Variants in CUX1 observed in about 807,000 individuals in gnomAD.
The protein encoded by CUX1 is protein CASP.
In CUX1, 31 loss-of-function variants were observed where a neutral mutation model predicts 158.8. The ratio of observed to expected loss-of-function variants is 0.20; its 90% confidence interval spans 0.15 to 0.26. CUX1 has a LOEUF of 0.26. CUX1 is among the 10% of genes least tolerant of loss of function. CUX1 has a pLI of 1.00. For missense variants in CUX1, 1,589 were observed against 2,014.6 expected, an observed-to-expected ratio of 0.79 and a Z score of 4.04; for synonymous variants, 879 against 862.1, an observed-to-expected ratio of 1.02 and a Z score of -0.34.
At chr7:101,979,728 C>T (rs1813177451) in intron 2 of CUX1, among the ~76,000 whole-genome samples, 1 of 152,146 alleles carries the variant, frequency 6.6e-6, no homozygotes, top group Non-Finnish European at 1.5e-5. Context: ...CGGTTCACTG[C>T]AACCTCCACC....
rs928061303 is a variant in CUX1 at position 102,272,899 on chromosome 7, C to T, written c.1256-467C>T. 5.9e-5 allele frequency among the ~76,000 whole-genome samples: 9 copies of T among 152,144 alleles called. No individual in the cohort carries two copies. In the South Asian group the frequency reaches 6.2e-4, roughly 10 times the overall value. The stretch of plus-strand genomic sequence containing the variant: ...ACCCCTACGCGCCCCACTGCACCCC[C>T]GCGGCTTTCTCTGCCTCTCCTACCC... On this transcript the variant is annotated intron_variant, in intron 14 of 22. Transcript: ENST00000292538.
chr7:101,885,285 C>A (rs1336104315), intron 1 of CUX1, among the ~76,000 whole-genome samples: 7 of 152,154 alleles, frequency 4.6e-5, no homozygotes, highest in Non-Finnish European at 7.4e-5. Flanking sequence ...CAGATTCCCC[C>A]CTACAATGTT....
intron 14 of CUX1, among the ~76,000 whole-genome samples, chr7:102,265,531 G>A (rs572918848): frequency 6.6e-6 from 1 of 151,896 alleles, no homozygotes; most frequent in East Asian, 2.0e-4. Context: ...TTGACCTCCT[G>A]GGCTCAAGCA....
At chr7:102,027,106 C>G (rs566759307) in intron 2 of CUX1, among the ~76,000 whole-genome samples, 1 of 152,058 alleles carries the variant, frequency 6.6e-6, no homozygotes, top group Non-Finnish European at 1.5e-5. Flanking sequence ...CAGCTAGGGC[C>G]GGCCATGGTG....
chr7:102,227,637 G>A lies in CUX1; in HGVS notation c.3401G>A (p.Arg1134Gln), dbSNP rs782309779. 1.1e-5 allele frequency: 18 copies of A among 1,611,904 alleles called. No homozygotes were observed. The highest frequency in any genetic ancestry group is 1.3e-5 in the Non-Finnish European group (15 of 1,178,708). Residue 1134 changes from arginine (R) to glutamine (Q), a missense_variant, in exon 21 of 24, where the codon CGG becomes CAG. Transcript: ENST00000292535. Reference protein sequence around the residue: ...PELDTYGITKRVKEVLTDNNL... With the variant: ...PELDTYGITKQVKEVLTDNNL... Reference sequence around the variant, plus strand: ...CTGGACACCTACGGCATAACCAAGCGGGTGAAGGAGGTGCTGACGGACAAC... The same window carrying A: ...CTGGACACCTACGGCATAACCAAGCAGGTGAAGGAGGTGCTGACGGACAAC...
At position 102,239,498 on chromosome 7, in the gene CUX1, A is replaced by G. The variant is rs1799936064; in HGVS notation, c.3801A>G (p.Pro1267=). ...EALKRAYQQK[P]YPSPKTIEDL... is the part of the protein sequence containing the mutation. ...TGAAACGAGCGTATCAGCAAAAGCC[A>G]TACCCGTCACCAAAAACCATCGAAG... Residue 1267 remains proline, a synonymous_variant, in exon 23 of 24, where the codon CCA becomes CCG. Transcript: ENST00000292535. 2 of 1,614,174 alleles carry G rather than the reference A, an allele frequency of 1.2e-6. No individual in the cohort carries two copies. The highest frequency in any genetic ancestry group is 1.3e-5 in the African/African-American group (1 of 75,062).
intron 3 of CUX1, among the ~76,000 whole-genome samples, chr7:102,040,112 A>T (rs562138290): frequency 6.6e-6 from 1 of 152,294 alleles, no homozygotes; most frequent in African/African-American, 2.4e-5. Context: ...CATTGAATAC[A>T]GTCAACTAGG....
At chr7:101,828,120 C>T (rs1175775187) in intron 1 of CUX1, among the ~76,000 whole-genome samples, 2 of 151,846 alleles carry the variant, frequency 1.3e-5, no homozygotes, top group Admixed American at 6.6e-5. Flanking sequence ...GGACTACAGG[C>T]ACCCACTACT....
At chr7:102,087,689 C>T (rs1554481005) in intron 4 of CUX1, among the ~76,000 whole-genome samples, 1 of 152,138 alleles carries the variant, frequency 6.6e-6, no homozygotes, top group African/African-American at 2.4e-5. Context: ...CACTTTCTCA[C>T]TCTTGTTCTT....
chr7:102,172,767 T>C (rs1791873263), intron 10 of CUX1, among the ~76,000 whole-genome samples: 1 of 152,178 alleles, frequency 6.6e-6, no homozygotes, highest in Admixed American at 6.6e-5. Context: ...TTAACATTAA[T>C]TAAAACATTT....
chr7:102,196,525 CT>C lies in CUX1; in HGVS notation c.1223-101del, dbSNP rs539268272. 2.1e-4 allele frequency: 238 copies of C among 1,109,190 alleles called. No individual in the cohort carries two copies. In the South Asian group the frequency reaches 2.2e-3, roughly 10 times the overall value. 68.7% of individuals were successfully genotyped at this position (1,109,190 alleles called of 1,614,324 possible). A position where few individuals can be genotyped will look rare whatever the true frequency, so the allele number is the denominator to read the frequency against. ...TTGGCCCTTGTAAAAAAAACCTGCA[CT>C]TTTTTTTGTTTTCCCTTTTGCGGGG... On this transcript the variant is annotated intron_variant, in intron 14 of 23. Coordinates refer to ENST00000292535, the MANE Select transcript of CUX1 (RefSeq NM_181552.4).
intron 2 of CUX1, among the ~76,000 whole-genome samples, 156 bp from the exon 3 acceptor site, chr7:102,027,942 T>C (rs1376603249): frequency 2.6e-5 from 4 of 152,206 alleles, no homozygotes; most frequent in Non-Finnish European, 4.4e-5. Flanking sequence ...GCGTTATTGA[T>C]GTTTTAGGAG....
intron 9 of CUX1, among the ~76,000 whole-genome samples, chr7:102,158,992 C>A (rs1282299093): frequency 6.6e-6 from 1 of 151,068 alleles, no homozygotes; most frequent in African/African-American, 2.4e-5. Context: ...CATCTCACCA[C>A]GGTGTTATCC....
chr7:102,251,713 TCCA>T lies in CUX1; in HGVS notation c.*2673_*2675del, dbSNP rs1330593231. The T allele has an allele frequency of 2.0e-6, 2 of 985,254 alleles. No homozygotes were observed. The highest frequency in any genetic ancestry group is 3.5e-5 in the African/African-American group (2 of 57,200). 61.0% of individuals were successfully genotyped at this position (985,254 alleles called of 1,614,324 possible). A position where few individuals can be genotyped will look rare whatever the true frequency, so the allele number is the denominator to read the frequency against. ...GAGCCCTGACGACTGTGGTGTCCTC[TCCA>T]CAAAACCCTCAAGGGACTTTTGTCA... On this transcript the variant is annotated 3_prime_UTR_variant, in exon 24 of 24. Coordinates refer to ENST00000292535, the MANE Select transcript of CUX1 (RefSeq NM_181552.4).
chr7:102,161,466 G>A (rs923439522), intron 9 of CUX1: 1 of 152,204 alleles, frequency 6.6e-6, no homozygotes, highest in African/African-American at 2.4e-5. Context: ...AGGGGTAGAG[G>A]TGAGTTCTCA....
intron 20 of CUX1, among the ~76,000 whole-genome samples, chr7:102,206,770 G>C (rs1795993908): frequency 6.6e-6 from 1 of 152,120 alleles, no homozygotes; most frequent in South Asian, 2.1e-4. Context: ...GTGGTGGTAG[G>C]AGCCTGTAAT....
At chr7:102,216,345 C>CT (rs1481971529) in intron 20 of CUX1, among the ~76,000 whole-genome samples, 1 of 151,916 alleles carries the variant, frequency 6.6e-6, no homozygotes, top group Non-Finnish European at 1.5e-5. Flanking sequence ...AAAAGACCTC[C>CT]TTGACCTCTT....
chr7:101,831,540 C>T (rs559645204), intron 1 of CUX1, among the ~76,000 whole-genome samples: 95 of 152,168 alleles, frequency 6.2e-4, no homozygotes, highest in African/African-American at 2.2e-3. Context: ...GATCCACCCA[C>T]GTCAGCCTCC....
intron 2 of CUX1, among the ~76,000 whole-genome samples, chr7:101,996,905 A>G (rs1458947341): frequency 6.6e-6 from 1 of 151,962 alleles, no homozygotes; most frequent in African/African-American, 2.4e-5. Context: ...ATTCCTGCCC[A>G]CAGTGGCCTT....
Sources: gnomAD v4.1 joint callset for allele counts (sites outside exome capture counted in the v4.1 genomes callset) on GRCh38, gnomAD v4.1.1 for gene constraint, MANE v1.5 for transcripts, NCBI Gene and HGNC (gene_info 2026-07-23, HGNC 2026-07-21) for gene names.